The following METTL16 variants were observed in gnomAD, a reference collection of about 807,000 sequenced individuals.
The protein encoded by METTL16 is methyltransferase 16, RNA N6-adenosine.
A neutral mutation model predicts 57.9 loss-of-function variants in METTL16; 19 were observed. That is an observed-to-expected ratio of 0.33 (90% CI 0.23 to 0.48). The LOEUF is 0.48. Ranked by LOEUF, METTL16 falls within the 20% of genes least tolerant of loss-of-function variation. The pLI is 0.99. For synonymous variants in METTL16, 246 were observed against 255.6 expected (o/e 0.96, Z 0.36); for missense variants, 434 against 691.5 (o/e 0.63, Z 4.18).
intron 5 of METTL16, among the ~76,000 whole-genome samples, chr17:2,466,206 A>C (rs1002520020): frequency 2.6e-5 from 4 of 151,792 alleles, no homozygotes; most frequent in African/African-American, 9.7e-5. Flanking sequence ...AAAAAAAAAA[A>C]AAAAAAGCCA....
intron 2 of METTL16, among the ~76,000 whole-genome samples, chr17:2,485,703 T>A (rs547212997): frequency 1.5e-3 from 236 of 152,354 alleles, no homozygotes; most frequent in Middle Eastern, 3.4e-3. Flanking sequence ...AAGTGTCAAC[T>A]ATGTGCCAGG....
At chr17:2,466,320 G>A (rs2067196147) in intron 5 of METTL16, among the ~76,000 whole-genome samples, 1 of 152,118 alleles carries the variant, frequency 6.6e-6, no homozygotes, top group East Asian at 1.9e-4. Context: ...AATGTTCAAT[G>A]GTTTAGGGAA....
chr17:2,443,928 C>T (rs1159503697), intron 6 of METTL16, among the ~76,000 whole-genome samples: 2 of 152,150 alleles, frequency 1.3e-5, no homozygotes, highest in African/African-American at 4.8e-5. Context: ...AAGTTTCAGA[C>T]AGCAGGAATA....
chr17:2,497,649 A>C (rs182043068), intron 2 of METTL16, among the ~76,000 whole-genome samples: 1 of 151,668 alleles, frequency 6.6e-6, no homozygotes, highest in East Asian at 1.9e-4. Context: ...TGCAGTCAAC[A>C]AATATTAACT....
At chr17:2,440,757 G>A (rs2066944125) in intron 7 of METTL16, among the ~76,000 whole-genome samples, 1 of 151,892 alleles carries the variant, frequency 6.6e-6, no homozygotes, top group Non-Finnish European at 1.5e-5. Flanking sequence ...GACTGCTTGA[G>A]CCCAGGAATT....
chr17:2,419,836 T>G lies in METTL16; in HGVS notation c.*134A>C. 1.8e-6 allele frequency: 2 copies of G among 1,093,796 alleles called. No individual in the cohort carries two copies. The highest frequency in any genetic ancestry group is 2.7e-6 in the Non-Finnish European group (2 of 740,740). The allele number at this position is 1,093,796 out of a possible 1,614,324, so 67.8% of individuals were successfully genotyped here. Reference sequence around the variant, plus strand: ...GAGGCGGGGGGAGGTGGGGGACAGATTCATAGGTTTTTGTTTTCGAAGATA... The same window carrying G: ...GAGGCGGGGGGAGGTGGGGGACAGAGTCATAGGTTTTTGTTTTCGAAGATA... On this transcript the variant is annotated 3_prime_UTR_variant, in exon 10 of 10. Coordinates refer to ENST00000263092, the MANE Select transcript of METTL16 (RefSeq NM_024086.4).
chr17:2,453,865 A>G (rs1033816759), intron 6 of METTL16, among the ~76,000 whole-genome samples: 1 of 152,214 alleles, frequency 6.6e-6, no homozygotes, highest in African/African-American at 2.4e-5. Context: ...AACCTCATAC[A>G]CTAAATAACA....
At chr17:2,491,654 T>C (rs1177141205) in intron 2 of METTL16, among the ~76,000 whole-genome samples, 1 of 151,748 alleles carries the variant, frequency 6.6e-6, no homozygotes, top group Admixed American at 6.6e-5. Context: ...GGCGGGTGAA[T>C]CACGAGGTCA....
chr17:2,420,850 C>A lies in METTL16; in HGVS notation c.943G>T (p.Val315Leu), dbSNP rs773646039. ...LEKPRKPITFVVLASVMKELS... is the reference protein window; with the variant it reads ...LEKPRKPITFLVLASVMKELS... ...TCCTTCATCACGGACGCCAGCACCA[C>A]GAATGTTATGGGTTTTCTCGGTTTC... The change falls in exon 9 of 10, where the codon GTG (valine) becomes TTG (leucine). Residue 315 changes from valine to leucine, a missense_variant. Transcript: ENST00000263092. This position sits in a 1 kb window ranked among gnomAD's most constrained non-coding sequence, Gnocchi z 5.4. The A allele has an allele frequency of 6.2e-7, 1 of 1,614,014 alleles. No homozygotes were observed. The highest frequency in any genetic ancestry group is 1.3e-5 in the African/African-American group (1 of 74,906).
chr17:2,507,276 G>A, intron 1 of METTL16, among the ~76,000 whole-genome samples: 1 of 143,496 alleles, frequency 7.0e-6, no homozygotes, highest in East Asian at 2.1e-4. Context: ...GCCTCTACTG[G>A]GAAGAGAGGA....
intron 4 of METTL16, 58 bp downstream of exon 4, chr17:2,473,466 A>T: frequency 6.5e-7 from 1 of 1,539,854 alleles, no homozygotes; most frequent in Non-Finnish European, 8.7e-7. Context: ...GAAATGCGTT[A>T]AACTAAAAAG....
chr17:2,481,974 T>C (rs965910710), intron 2 of METTL16, among the ~76,000 whole-genome samples: 6 of 152,114 alleles, frequency 3.9e-5, no homozygotes, highest in Admixed American at 2.6e-4. Flanking sequence ...CACCATTCAA[T>C]AGTAAAAGAC....
At chr17:2,447,871 T>C (rs1242368022) in intron 6 of METTL16, among the ~76,000 whole-genome samples, 10 of 58,244 alleles carry the variant, frequency 1.7e-4, no homozygotes, top group East Asian at 4.9e-4. Flanking sequence ...GCCCTCCACC[T>C]GGCCAGCCGC....
chr17:2,428,727 T>C (rs2066845455), intron 8 of METTL16, among the ~76,000 whole-genome samples: 1 of 148,036 alleles, frequency 6.8e-6, no homozygotes, highest in South Asian at 2.1e-4. Flanking sequence ...TAAGACCCCA[T>C]CTCTATTTAA....
At chr17:2,508,493 T>C (rs1419781491) in intron 1 of METTL16, among the ~76,000 whole-genome samples, 1 of 152,132 alleles carries the variant, frequency 6.6e-6, no homozygotes, top group East Asian at 1.9e-4. Context: ...ATCAAAAATC[T>C]TCAACACCTT....
intron 8 of METTL16, chr17:2,424,081 A>AT (rs1305957931): frequency 6.6e-6 from 1 of 150,442 alleles, no homozygotes; most frequent in African/African-American, 2.4e-5. Flanking sequence ...TTTTTAAAAA[A>AT]TTTTCCTTTT....
chr17:2,427,698 C>A (rs1300563949), intron 8 of METTL16, among the ~76,000 whole-genome samples: 1 of 152,014 alleles, frequency 6.6e-6, no homozygotes, highest in Non-Finnish European at 1.5e-5. Flanking sequence ...CCGCCTCAGC[C>A]TCCTGAGTAG....
chr17:2,492,955 C>A (rs974739317), intron 2 of METTL16, among the ~76,000 whole-genome samples: 1 of 149,010 alleles, frequency 6.7e-6, no homozygotes, highest in African/African-American at 2.5e-5. Context: ...ACCCTCAAGA[C>A]TGATACTTAA....
chr17:2,429,376 C>T (rs552325195), intron 8 of METTL16, among the ~76,000 whole-genome samples: 5 of 150,268 alleles, frequency 3.3e-5, no homozygotes, highest in South Asian at 2.1e-4. Flanking sequence ...TTAATAGAGA[C>T]GGGGATTCAC....
Sources: gnomAD v4.1 joint callset for allele counts (sites outside exome capture counted in the v4.1 genomes callset) on GRCh38, gnomAD v4.1.1 for gene constraint, Gnocchi (gnomAD v3.1) non-coding constraint, MANE v1.5 for transcripts, NCBI Gene and HGNC (gene_info 2026-07-23, HGNC 2026-07-21) for gene names.